Variants in ASIC2 observed in about 807,000 individuals in gnomAD.
The protein encoded by ASIC2 is acid sensing ion channel subunit 2.
ASIC2 carries 25 observed loss-of-function variants against 57.3 expected under a neutral mutation model. The ratio of observed to expected loss-of-function variants is 0.44; its 90% CI spans 0.32 to 0.61. The LOEUF (loss-of-function observed/expected upper bound fraction) is 0.61, where lower values mean the gene tolerates loss of function less well. Ranked by LOEUF, ASIC2 falls within the 20% of genes least tolerant of loss-of-function variation. The probability of loss-of-function intolerance (pLI) is 0.06; values close to 1 mark genes in which losing one functional copy is unlikely to be tolerated. For missense variants in ASIC2, 641 were observed against 738.1 expected (o/e 0.87, Z 1.52); for synonymous variants, 319 against 307.5 (o/e 1.04, Z -0.39).
intron 1 of ASIC2, among the ~76,000 whole-genome samples, chr17:33,399,668 TCCC>T (rs1567848653): frequency 6.6e-6 from 1 of 152,200 alleles, no homozygotes; most frequent in Non-Finnish European, 1.5e-5. Context: ...TGATGCCCCT[TCCC>T]CTTAATCTCA....
intron 1 of ASIC2, chr17:34,002,945 C>T (rs1394180983): frequency 6.6e-6 from 1 of 152,182 alleles, no homozygotes; most frequent in Non-Finnish European, 1.5e-5. Context: ...GTGTCTGACT[C>T]AATAAACACC....
At chr17:34,011,202 C>T (rs945331988) in intron 1 of ASIC2, among the ~76,000 whole-genome samples, 3 of 149,234 alleles carry the variant, frequency 2.0e-5, no homozygotes, top group Admixed American at 1.3e-4. Context: ...CACACATAGA[C>T]ATATACAGAC....
chr17:34,049,098 G>C (rs1908445720), intron 1 of ASIC2, among the ~76,000 whole-genome samples: 1 of 152,200 alleles, frequency 6.6e-6, no homozygotes, highest in South Asian at 2.1e-4. Flanking sequence ...AGGAGTTCAA[G>C]ACTAGCCAGG....
intron 1 of ASIC2, among the ~76,000 whole-genome samples, chr17:33,903,449 A>G (rs1915272951): frequency 2.0e-5 from 3 of 152,272 alleles, no homozygotes. Flanking sequence ...AGTATTTTGT[A>G]GTCAAGTAAG....
intron 1 of ASIC2, among the ~76,000 whole-genome samples, chr17:34,149,313 C>T (rs993985300): frequency 6.6e-6 from 1 of 151,866 alleles, no homozygotes; most frequent in Non-Finnish European, 1.5e-5. Flanking sequence ...TACTATATTG[C>T]CCAGGTTTCT....
intron 1 of ASIC2, among the ~76,000 whole-genome samples, chr17:33,876,672 T>G (rs1474449639): frequency 6.6e-6 from 1 of 152,182 alleles, no homozygotes; most frequent in Non-Finnish European, 1.5e-5. Flanking sequence ...AGCAGTCATC[T>G]AGAATTTGAA....
At position 33,134,775 on chromosome 17, in the gene ASIC2, G is replaced by A. The variant is rs191066661; in HGVS notation, c.709-22708C>T. On this transcript the variant is annotated intron_variant, in intron 1 of 9. Coordinates refer to ENST00000225823, the MANE Select transcript of ASIC2 (RefSeq NM_183377.2). ...GGGCTCCCATGGCTTGTGGTGTCAG[G>A]AGCAGAGCTCTGAGAAGGGGAACTC... Among the ~76,000 whole-genome samples the A allele has an allele frequency of 7.2e-5, 11 of 152,288 alleles. No homozygotes were observed. In the East Asian group the frequency reaches 1.9e-3, roughly 27 times the overall value.
At chr17:33,617,290 C>A (rs1468431022) in intron 1 of ASIC2, among the ~76,000 whole-genome samples, 2 of 152,146 alleles carry the variant, frequency 1.3e-5, no homozygotes, top group African/African-American at 4.8e-5. Flanking sequence ...AAATGTGGTA[C>A]ATATATACTG....
At chr17:33,371,491 T>C (rs1044421639) in intron 1 of ASIC2, among the ~76,000 whole-genome samples, 1 of 152,234 alleles carries the variant, frequency 6.6e-6, no homozygotes, top group African/African-American at 2.4e-5. Flanking sequence ...TGAGGCCTGA[T>C]GGGAATCTTA....
intron 1 of ASIC2, among the ~76,000 whole-genome samples, chr17:33,360,905 G>C (rs1209489677): frequency 6.6e-6 from 1 of 152,146 alleles, no homozygotes; most frequent in Non-Finnish European, 1.5e-5. Context: ...CTACAGCAGG[G>C]ACCTCCCACT....
intron 1 of ASIC2, among the ~76,000 whole-genome samples, chr17:33,190,971 T>A (rs781430457): frequency 2.2e-4 from 34 of 152,172 alleles, no homozygotes; most frequent in Non-Finnish European, 2.5e-4. Flanking sequence ...TTCCACTTGT[T>A]AAGTATTTAC....
At chr17:33,385,264 C>T (rs187704654) in intron 1 of ASIC2, among the ~76,000 whole-genome samples, 7 of 152,272 alleles carry the variant, frequency 4.6e-5, no homozygotes, top group South Asian at 2.1e-4. Context: ...GGGTTTTTCC[C>T]GGGCTCTTCA....
At chr17:33,900,536 T>C (rs930479693) in intron 1 of ASIC2, among the ~76,000 whole-genome samples, 1 of 152,190 alleles carries the variant, frequency 6.6e-6, no homozygotes, top group African/African-American at 2.4e-5. Flanking sequence ...ACTAGTTGTA[T>C]TATTTTGACT....
At chr17:33,065,430 C>T (rs1439210658) in intron 3 of ASIC2, among the ~76,000 whole-genome samples, 4 of 152,060 alleles carry the variant, frequency 2.6e-5, no homozygotes, top group African/African-American at 9.7e-5. Flanking sequence ...CCACCTCAGC[C>T]TCTCAAATAG....
intron 1 of ASIC2, among the ~76,000 whole-genome samples, chr17:33,418,780 G>A (rs952202166): frequency 3.3e-5 from 5 of 152,100 alleles, no homozygotes; most frequent in Non-Finnish European, 7.4e-5. Flanking sequence ...CCATAAAAAA[G>A]GATGAGTTCG....
intron 1 of ASIC2, among the ~76,000 whole-genome samples, chr17:33,487,339 T>C (rs1913606541): frequency 6.6e-6 from 1 of 152,172 alleles, no homozygotes; most frequent in Non-Finnish European, 1.5e-5. Flanking sequence ...GGGCCCCACA[T>C]TGATACTGAT....
At chr17:34,055,877 G>C (rs1175810370) in intron 1 of ASIC2, among the ~76,000 whole-genome samples, 1 of 152,046 alleles carries the variant, frequency 6.6e-6, no homozygotes, top group Non-Finnish European at 1.5e-5. Context: ...GTTATTCTTG[G>C]CTAAATACCT....
At chr17:33,387,241 T>C (rs1319499100) in intron 1 of ASIC2, among the ~76,000 whole-genome samples, 2 of 152,316 alleles carry the variant, frequency 1.3e-5, no homozygotes, top group East Asian at 3.9e-4. Context: ...CAACAAGTAC[T>C]CTTCTATCTC....
chr17:33,498,145 G>C (rs952911869), intron 1 of ASIC2, among the ~76,000 whole-genome samples: 3 of 152,244 alleles, frequency 2.0e-5, no homozygotes, highest in Non-Finnish European at 4.4e-5. Context: ...TTGAGGCCCA[G>C]AGACTTGAGT....
Sources: gnomAD v4.1 joint callset for allele counts (sites outside exome capture counted in the v4.1 genomes callset) on GRCh38, gnomAD v4.1.1 for gene constraint, MANE v1.5 for transcripts, NCBI Gene and HGNC (gene_info 2026-07-23, HGNC 2026-07-21) for gene names.